BMPR1A: variants seen among roughly 807,000 people sequenced by gnomAD.
BMPR1A encodes the protein bone morphogenetic protein receptor type 1A.
Under a neutral mutation model 66.0 loss-of-function variants are expected in BMPR1A, and 7 were observed. The observed-to-expected ratio is 0.11, with a 90% CI of 0.06 to 0.20. The LOEUF (loss-of-function observed/expected upper bound fraction) is 0.20. Among genes scored for constraint, BMPR1A ranks in the 10% least tolerant of loss-of-function variants. The probability of loss-of-function intolerance (pLI) is 1.00; values close to 1 mark genes in which losing one functional copy is unlikely to be tolerated. For synonymous variants in BMPR1A, 200 were observed against 229.7 expected (o/e 0.87, Z 1.17); for missense variants, 408 against 669.1 (o/e 0.61, Z 4.31).
chr10:86,834,920 C>T (rs1336488455), intron 1 of BMPR1A, among the ~76,000 whole-genome samples: 9 of 151,620 alleles, frequency 5.9e-5, no homozygotes, highest in Admixed American at 5.9e-4. Flanking sequence ...AGTATTTGTA[C>T]AGTGCATGGG....
intron 8 of BMPR1A, 72 bp downstream of exon 8, chr10:86,912,456 T>A (rs1843505936): frequency 2.5e-6 from 4 of 1,568,738 alleles, no homozygotes; most frequent in Non-Finnish European, 3.5e-6. Context: ...GTGGACAGTA[T>A]AATTATTGCA....
chr10:86,917,002 A>AG, intron 8 of BMPR1A, 132 bp from the exon 9 acceptor site: 2 of 1,030,312 alleles, frequency 1.9e-6, no homozygotes, highest in East Asian at 5.2e-5. Context: ...CAAAAAAAAA[A>AG]AAGTACATTA....
Position 86,919,523 on chromosome 10 carries a change from T to C in BMPR1A, c.1166+54T>C, listed in dbSNP as rs376845733. 8 of 1,592,432 alleles carry C rather than the reference T, an allele frequency of 5.0e-6. No individual in the cohort carries two copies. In the East Asian group the frequency reaches 6.7e-5, roughly 13 times the overall value. Reference sequence around the variant, plus strand: ...AAATTATTTTAATTTCCAAAAGATATTTCCCTATTTGTATTCAAGATAATG... The same window carrying C: ...AAATTATTTTAATTTCCAAAAGATACTTCCCTATTTGTATTCAAGATAATG... On this transcript the variant is annotated intron_variant, in intron 10 of 12. Coordinates refer to ENST00000372037, the MANE Select transcript of BMPR1A (RefSeq NM_004329.3).
At chr10:86,774,769 C>T (rs997930596) in intron 1 of BMPR1A, among the ~76,000 whole-genome samples, 4 of 152,012 alleles carry the variant, frequency 2.6e-5, no homozygotes, top group African/African-American at 9.7e-5. Flanking sequence ...ATGATTTGAC[C>T]TTAGGGATTA....
intron 2 of BMPR1A, among the ~76,000 whole-genome samples, chr10:86,866,395 CTTTCTTTTTTTTTTTTT>C (rs1181116922): frequency 2.8e-5 from 2 of 70,652 alleles, no homozygotes; most frequent in African/African-American, 1.2e-4. Context: ...GGGCAAGTTT[CTTTCTTTTTTTTTTTTT>C]TTTTTTTTTT....
intron 3 of BMPR1A, among the ~76,000 whole-genome samples, chr10:86,879,873 C>G (rs1842964222): frequency 6.6e-6 from 1 of 152,204 alleles, no homozygotes; most frequent in Non-Finnish European, 1.5e-5. Flanking sequence ...GAAACAACCT[C>G]AGTATTCACT....
chr10:86,901,398 G>A (rs1843308531), intron 7 of BMPR1A, among the ~76,000 whole-genome samples: 1 of 152,214 alleles, frequency 6.6e-6, no homozygotes, highest in African/African-American at 2.4e-5. Flanking sequence ...TGACTTTCAA[G>A]CAGTCTTCTT....
intron 2 of BMPR1A, among the ~76,000 whole-genome samples, chr10:86,844,761 G>A (rs1461563454): frequency 6.6e-6 from 1 of 152,084 alleles, no homozygotes; most frequent in African/African-American, 2.4e-5. Context: ...CAGGCTTTGT[G>A]TTGAACTATT....
chr10:86,774,448 T>TA (rs59787839), intron 1 of BMPR1A, among the ~76,000 whole-genome samples: 247 of 145,414 alleles, frequency 1.7e-3, no homozygotes, highest in Non-Finnish European at 2.5e-3. Flanking sequence ...GTAAAGAAAT[T>TA]AAAAAAAAAA....
rs920145716 is a variant in BMPR1A, at chr10:86,923,515, A to G, written c.1473+9A>G. On this transcript the variant is annotated intron_variant, in intron 12 of 12. Coordinates refer to ENST00000372037, the MANE Select transcript of BMPR1A (RefSeq NM_004329.3). ...GGTGGAACAGTGATGAAGTGAGTGG[A>G]ACTCAGTCCCCTGAAGAAGTGATTC... is the stretch of plus-strand genomic sequence containing the variant. 2.0e-5 allele frequency: 32 copies of G among 1,614,066 alleles called. No individual in the cohort carries two copies. Among genetic ancestry groups the G allele is most frequent in the Non-Finnish European group, 2.6e-5 (31 of 1,180,022 alleles).
chr10:86,926,016 T>A lies in BMPR1A; in HGVS notation c.*2297T>A, dbSNP rs763931295. 5 of 172,210 alleles carry A rather than the reference T, an allele frequency of 2.9e-5. No individual in the cohort carries two copies. Among genetic ancestry groups the A allele is most frequent in the Admixed American group, 1.3e-4 (2 of 15,718 alleles). 10.7% of individuals were successfully genotyped at this position (172,210 alleles called of 1,614,324 possible). A position where few individuals can be genotyped will look rare whatever the true frequency, so the allele number is the denominator to read the frequency against. ...TTCATTTGTCATCTTAATAAAAATATAAAGACAGGCAAAGTTTATTGGAAA... is the reference window on the plus strand; with the variant it reads ...TTCATTTGTCATCTTAATAAAAATAAAAAGACAGGCAAAGTTTATTGGAAA... On this transcript the variant is annotated 3_prime_UTR_variant, in exon 13 of 13. Transcript: ENST00000372037.
At chr10:86,897,583 A>G (rs928260213) in intron 5 of BMPR1A, among the ~76,000 whole-genome samples, 1 of 152,116 alleles carries the variant, frequency 6.6e-6, no homozygotes, top group Non-Finnish European at 1.5e-5. Flanking sequence ...AGTATATTCT[A>G]CCTTGTTTCC....
chr10:86,763,794 T>G (rs1013251931), intron 1 of BMPR1A, among the ~76,000 whole-genome samples: 6 of 148,376 alleles, frequency 4.0e-5, no homozygotes, highest in East Asian at 3.9e-4. Flanking sequence ...ATAGTTGTTT[T>G]TTTTTTTTTT....
At chr10:86,837,864 T>C (rs1036637457) in intron 1 of BMPR1A, among the ~76,000 whole-genome samples, 1 of 152,236 alleles carries the variant, frequency 6.6e-6, no homozygotes, top group African/African-American at 2.4e-5. Context: ...GAGACTCTTG[T>C]CTTTAAGAAA....
chr10:86,917,410 T>C, intron 9 of BMPR1A, 84 bp downstream of exon 9: 1 of 1,498,056 alleles, frequency 6.7e-7, no homozygotes, highest in Non-Finnish European at 9.2e-7. Context: ...GCTTTGAAAA[T>C]GTGTGAGTTC....
intron 2 of BMPR1A, among the ~76,000 whole-genome samples, chr10:86,868,182 C>T (rs754028343): frequency 1.1e-4 from 17 of 152,102 alleles, no homozygotes; most frequent in Non-Finnish European, 1.8e-4. Flanking sequence ...AATGTCTTAC[C>T]CATAGCAAGA....
intron 2 of BMPR1A, among the ~76,000 whole-genome samples, chr10:86,850,638 T>G (rs1293879745): frequency 6.6e-6 from 1 of 152,114 alleles, no homozygotes; most frequent in Non-Finnish European, 1.5e-5. Context: ...TTGTTGTTGT[T>G]GTTGTTGTTT....
chr10:86,892,703 C>T (rs1437524440), intron 5 of BMPR1A, among the ~76,000 whole-genome samples: 1 of 151,924 alleles, frequency 6.6e-6, no homozygotes, highest in East Asian at 1.9e-4. Flanking sequence ...GCTGGGATTA[C>T]AGGTGTGAGC....
chr10:86,929,192 G>A (rs1482779993), downstream of BMPR1A: 1 of 152,038 alleles, frequency 6.6e-6, no homozygotes, highest in Non-Finnish European at 1.5e-5. Flanking sequence ...AATGAGACTA[G>A]TGGATATGAA....
Sources: allele counts gnomAD v4.1 joint callset (sites outside exome capture counted in the v4.1 genomes callset), GRCh38; gene constraint gnomAD v4.1.1; transcripts MANE v1.5; gene names NCBI Gene and HGNC (gene_info 2026-07-23, HGNC 2026-07-21).